The following LRRC4C variants were observed in gnomAD, a reference collection of about 807,000 sequenced individuals.
LRRC4C encodes leucine-rich repeat-containing protein 4C.
LRRC4C carries 5 observed loss-of-function variants against 33.6 expected under a neutral mutation model. The ratio of observed to expected loss-of-function variants is 0.15; its 90% confidence interval spans 0.08 to 0.31. The LOEUF (loss-of-function observed/expected upper bound fraction) is 0.31, where lower values mean the gene tolerates loss of function less well. Among genes scored for constraint, LRRC4C ranks in the 10% least tolerant of loss-of-function variants. The pLI, the probability that LRRC4C is intolerant of heterozygous loss-of-function variation, is 1.00. For synonymous variants in LRRC4C, 329 were observed against 302.0 expected, an observed-to-expected ratio of 1.09 and a Z score of -0.93; for missense variants, 560 against 796.7, an observed-to-expected ratio of 0.70 and a Z score of 3.58.
At chr11:41,251,415 C>T (rs1948634930) in intron 1 of LRRC4C, among the ~76,000 whole-genome samples, 1 of 152,208 alleles carries the variant, frequency 6.6e-6, no homozygotes, top group African/African-American at 2.4e-5. Flanking sequence ...CGTCTTCCTA[C>T]TTGTTTAGTC....
chr11:40,647,539 A>G (rs998904327), intron 3 of LRRC4C, among the ~76,000 whole-genome samples: 1 of 152,212 alleles, frequency 6.6e-6, no homozygotes, highest in Non-Finnish European at 1.5e-5. Flanking sequence ...GTTTTGAGTC[A>G]CTTAGACTTT....
intron 2 of LRRC4C, among the ~76,000 whole-genome samples, chr11:40,790,735 A>G (rs185981027): frequency 5.3e-5 from 8 of 152,334 alleles, no homozygotes; most frequent in Admixed American, 5.2e-4. Flanking sequence ...AAAGCTTTTT[A>G]TTTAAATAGT....
At chr11:41,454,682 A>C (rs937755457) in intron 1 of LRRC4C, among the ~76,000 whole-genome samples, 12 of 152,174 alleles carry the variant, frequency 7.9e-5, no homozygotes, top group Non-Finnish European at 1.3e-4. Context: ...AAGGGTACTT[A>C]GGCTGCTCCA....
At chr11:40,755,001 A>G (rs1295659112) in intron 2 of LRRC4C, among the ~76,000 whole-genome samples, 2 of 152,092 alleles carry the variant, frequency 1.3e-5, no homozygotes, top group Admixed American at 1.3e-4. Flanking sequence ...CACAGTTTTC[A>G]GGGACTTTAT....
intron 2 of LRRC4C, among the ~76,000 whole-genome samples, chr11:40,893,665 A>G (rs896335641): frequency 6.6e-6 from 1 of 152,166 alleles, no homozygotes; most frequent in Non-Finnish European, 1.5e-5. Flanking sequence ...GGTTTTACAC[A>G]GTCATTTAGC....
intron 1 of LRRC4C, among the ~76,000 whole-genome samples, chr11:40,955,356 G>C (rs1195437771): frequency 6.6e-6 from 1 of 151,606 alleles, no homozygotes; most frequent in Admixed American, 6.6e-5. Context: ...AAGTATAAAA[G>C]GTGATCAAAA....
At chr11:40,892,134 CAAAAAAAA>C (rs58855313) in intron 2 of LRRC4C, among the ~76,000 whole-genome samples, 1 of 113,970 alleles carries the variant, frequency 8.8e-6, no homozygotes, top group African/African-American at 3.5e-5. Flanking sequence ...GATTGTGTCT[CAAAAAAAA>C]AAAAAAAAAA....
rs189154912 is a variant in LRRC4C, at chr11:41,008,367, C to T, written c.-495-74644G>A. On this transcript the variant is annotated intron_variant, in intron 1 of 6. Transcript: ENST00000528697. ...CTGTCCCCCGTCTCTCTGACTTTAA[C>T]GCCTACCACTCTTCCTTGCAAGTTC... is the stretch of plus-strand genomic sequence containing the variant. Among the ~76,000 whole-genome samples the T allele has an allele frequency of 5.9e-5, 9 of 152,248 alleles. No homozygotes were observed. In the East Asian group the frequency reaches 9.7e-4, roughly 16 times the overall value.
At chr11:41,382,742 C>A (rs962727271) in intron 1 of LRRC4C, among the ~76,000 whole-genome samples, 1 of 151,944 alleles carries the variant, frequency 6.6e-6, no homozygotes, top group Non-Finnish European at 1.5e-5. Flanking sequence ...ACTTGTAGTA[C>A]AAAAGACCAC....
At chr11:40,632,266 T>C (rs1963536307) in intron 3 of LRRC4C, among the ~76,000 whole-genome samples, 1 of 152,208 alleles carries the variant, frequency 6.6e-6, no homozygotes, top group Non-Finnish European at 1.5e-5. Context: ...TTTTGTATCA[T>C]CTTTGGGACT....
intron 3 of LRRC4C, among the ~76,000 whole-genome samples, chr11:40,570,099 C>T: frequency 6.6e-6 from 1 of 151,786 alleles, no homozygotes; most frequent in East Asian, 1.9e-4. Context: ...TGTATACATG[C>T]ATACATATAA....
At chr11:40,339,833 T>C (rs1039648435) in intron 3 of LRRC4C, among the ~76,000 whole-genome samples, 7 of 152,184 alleles carry the variant, frequency 4.6e-5, no homozygotes, top group Non-Finnish European at 1.0e-4. Flanking sequence ...GTGAATTTTC[T>C]CCAAGGAGCA....
At chr11:41,264,701 A>T (rs935220354) in intron 1 of LRRC4C, among the ~76,000 whole-genome samples, 1 of 152,180 alleles carries the variant, frequency 6.6e-6, no homozygotes, top group Non-Finnish European at 1.5e-5. Context: ...CAGGCAAGAT[A>T]TCTAGACGAA....
At chr11:40,758,197 A>G (rs935474407) in intron 2 of LRRC4C, among the ~76,000 whole-genome samples, 9 of 152,034 alleles carry the variant, frequency 5.9e-5, no homozygotes, top group African/African-American at 1.4e-4. Flanking sequence ...CAGGAGATAA[A>G]TTATATGGGA....
chr11:40,228,299 G>C (rs1392933225), intron 5 of LRRC4C, among the ~76,000 whole-genome samples: 1 of 152,168 alleles, frequency 6.6e-6, no homozygotes. Flanking sequence ...AAAATCCATT[G>C]AATTTTTATC....
intron 1 of LRRC4C, among the ~76,000 whole-genome samples, chr11:41,281,102 T>TCACACACA (rs780934160): frequency 8.8e-5 from 10 of 113,520 alleles, no homozygotes; most frequent in South Asian, 3.6e-4. Flanking sequence ...TCTCTCTCTC[T>TCACACACA]CTCACACACA....
chr11:41,021,833 G>A (rs554289334), intron 1 of LRRC4C, among the ~76,000 whole-genome samples: 13 of 151,824 alleles, frequency 8.6e-5, no homozygotes, highest in South Asian at 6.2e-4. Flanking sequence ...GTGTCATATC[G>A]TCATTATGTA....
chr11:40,980,855 C>T (rs567210278), intron 1 of LRRC4C, among the ~76,000 whole-genome samples: 2 of 152,248 alleles, frequency 1.3e-5, no homozygotes, highest in East Asian at 1.9e-4. Flanking sequence ...TGCCTAGACC[C>T]AGCAAACGTT....
At chr11:40,616,213 C>T (rs925739748) in intron 3 of LRRC4C, among the ~76,000 whole-genome samples, 1 of 151,832 alleles carries the variant, frequency 6.6e-6, no homozygotes, top group Non-Finnish European at 1.5e-5. Flanking sequence ...CAATGAGATA[C>T]CATCTCACAC....
Sources: gnomAD v4.1 joint callset for allele counts (sites outside exome capture counted in the v4.1 genomes callset) on GRCh38, gnomAD v4.1.1 for gene constraint, MANE v1.5 for transcripts, NCBI Gene and HGNC (gene_info 2026-07-23, HGNC 2026-07-21) for gene names.